The following SGSM1 variants were observed in gnomAD, a reference collection of about 807,000 sequenced individuals.
The protein encoded by SGSM1 is small G protein signaling modulator 1.
SGSM1 carries 73 observed loss-of-function variants against 133.8 expected under a neutral mutation model. The observed-to-expected ratio is 0.55, with a 90% CI of 0.45 to 0.66. The LOEUF (loss-of-function observed/expected upper bound fraction) is 0.66. Ranked by LOEUF, SGSM1 falls within the 30% of genes least tolerant of loss-of-function variation. SGSM1 has a pLI of 0.00. For missense variants in SGSM1, 1,213 were observed against 1,448.1 expected (o/e 0.84, Z 2.64); for synonymous variants, 563 against 573.0 (o/e 0.98, Z 0.25).
At chr22:24,856,010 C>G in intron 8 of SGSM1, 1 of 481,184 alleles carries the variant, frequency 2.1e-6, no homozygotes, top group Non-Finnish European at 4.0e-6. Flanking sequence ...CCCATCTTTA[C>G]ATCTATCCAT....
At chr22:24,861,402 G>T (rs1046054291) in intron 9 of SGSM1, among the ~76,000 whole-genome samples, 5 of 151,728 alleles carry the variant, frequency 3.3e-5, no homozygotes, top group African/African-American at 4.8e-5. Flanking sequence ...TCCTGTGCAG[G>T]AGTCACCATC....
In SGSM1 at chr22:24,893,472, T is replaced by C; in HGVS notation, c.1812T>C (p.Ala604=). ...ATGCCTGCTATGCACAGACCATGGCTGAGTGGCTGGGCTGCGAGGCGATCG... is the reference window on the plus strand; with the variant it reads ...ATGCCTGCTATGCACAGACCATGGCCGAGTGGCTGGGCTGCGAGGCGATCG... The part of the protein sequence containing the change: ...QIHACYAQTM[A]EWLGCEAIVR... Residue 604 remains alanine (A), a synonymous_variant, in exon 17 of 25, where the codon GCT becomes GCC. Transcript: ENST00000400358. 1.2e-6 allele frequency: 2 copies of C among 1,613,882 alleles called. No homozygotes were observed. The highest frequency in any genetic ancestry group is 1.7e-6 in the Non-Finnish European group (2 of 1,179,846).
At chr22:24,838,345 C>G (rs1213059590) in intron 2 of SGSM1, among the ~76,000 whole-genome samples, 1 of 152,182 alleles carries the variant, frequency 6.6e-6, no homozygotes, top group African/African-American at 2.4e-5. Flanking sequence ...ATCCATCTCC[C>G]TGACTGACTA....
At chr22:24,896,402 A>G (rs560128467) in intron 18 of SGSM1, among the ~76,000 whole-genome samples, 52 of 152,316 alleles carry the variant, frequency 3.4e-4, no homozygotes, top group African/African-American at 1.2e-3. Flanking sequence ...AGTTGGTGAC[A>G]TAACCACACA....
chr22:24,828,696 C>T (rs546208951), intron 2 of SGSM1, among the ~76,000 whole-genome samples: 2 of 152,310 alleles, frequency 1.3e-5, no homozygotes, highest in South Asian at 4.1e-4. Flanking sequence ...GACAGAAATA[C>T]CATTCGATCC....
At chr22:24,892,205 G>A (rs1486051904) in intron 16 of SGSM1, among the ~76,000 whole-genome samples, 3 of 152,152 alleles carry the variant, frequency 2.0e-5, no homozygotes, top group Non-Finnish European at 2.9e-5. Flanking sequence ...AGGGAGGTGG[G>A]CAGGAGGGAG....
intron 2 of SGSM1, among the ~76,000 whole-genome samples, chr22:24,820,772 ACT>A (rs1928422087): frequency 1.3e-5 from 2 of 152,086 alleles, no homozygotes; most frequent in African/African-American, 4.8e-5. Flanking sequence ...TGTGTACCAG[ACT>A]CTGTGCTGGG....
At position 24,868,714 on chromosome 22, in the gene SGSM1, T is replaced by A; in HGVS notation, c.1159-9T>A. On this transcript the variant is annotated splice_polypyrimidine_tract_variant and intron_variant, in intron 11 of 24. Transcript: ENST00000400358. ...CCCAAGGACCTTGTTTTGGGACATG[T>A]TTTTGCAGGGCAAAGTGTTTCCTAA... The A allele has an allele frequency of 1.2e-6, 2 of 1,613,644 alleles. No individual in the cohort carries two copies. The highest frequency in any genetic ancestry group is 1.7e-6 in the Non-Finnish European group (2 of 1,179,644).
At chr22:24,905,716 G>A (rs1210099225) in intron 21 of SGSM1, among the ~76,000 whole-genome samples, 1 of 148,594 alleles carries the variant, frequency 6.7e-6, no homozygotes, top group African/African-American at 2.5e-5. Flanking sequence ...GTGAACCCGG[G>A]AGGTGGAGCT....
At chr22:24,842,137 C>T (rs763686918) in intron 2 of SGSM1, among the ~76,000 whole-genome samples, 9 of 152,180 alleles carry the variant, frequency 5.9e-5, no homozygotes, top group Non-Finnish European at 1.3e-4. Flanking sequence ...CCAGCAGTTT[C>T]TCAGCATCAC....
At chr22:24,904,945 A>G (rs1933317452) in intron 20 of SGSM1, among the ~76,000 whole-genome samples, 160 bp from the exon 21 acceptor site, 1 of 152,088 alleles carries the variant, frequency 6.6e-6, no homozygotes, top group Non-Finnish European at 1.5e-5. Flanking sequence ...GGCTGCACAT[A>G]GGATGTTTGA....
chr22:24,849,290 A>G (rs950814456), intron 4 of SGSM1, among the ~76,000 whole-genome samples: 1 of 151,888 alleles, frequency 6.6e-6, no homozygotes, highest in African/African-American at 2.4e-5. Context: ...GCGGTGGCTC[A>G]TGCCTGTAGT....
Position 24,855,698 on chromosome 22 carries a change from G to A in SGSM1, c.801+18G>A, listed in dbSNP as rs755034623. On this transcript the variant is annotated intron_variant, in intron 8 of 24. Transcript: ENST00000400358. Reference sequence around the variant, plus strand: ...TTCAGCCGGTGAGAGGTTATCTTGGGCCTAGATCTTGCACTGAGGGTCTCA... The same window carrying A: ...TTCAGCCGGTGAGAGGTTATCTTGGACCTAGATCTTGCACTGAGGGTCTCA... The A allele has an allele frequency of 6.2e-7, 1 of 1,613,890 alleles. No individual in the cohort carries two copies. The highest frequency in any genetic ancestry group is 2.2e-5 in the East Asian group (1 of 44,872).
intron 21 of SGSM1, among the ~76,000 whole-genome samples, chr22:24,908,801 CAA>C (rs899607046): frequency 4.5e-5 from 5 of 111,174 alleles, no homozygotes; most frequent in African/African-American, 3.4e-5. Context: ...GACTCCATCT[CAA>C]AAAAAAAAAA....
At position 24,925,551 on chromosome 22, in the gene SGSM1, T is replaced by A. The variant is rs1170676980; in HGVS notation, c.*1277T>A. On this transcript the variant is annotated 3_prime_UTR_variant, in exon 25 of 25. Coordinates refer to ENST00000400358, the MANE Select transcript of SGSM1 (RefSeq NM_001098497.3). ...GTAGGCATGAGACGGTCAGAGCTCT[T>A]TGGGGTCCTGCTCAGAGTCCCCCAG... 2.0e-5 allele frequency: 3 copies of A among 152,170 alleles called. No individual in the cohort carries two copies. The highest frequency in any genetic ancestry group is 4.4e-5 in the Non-Finnish European group (3 of 68,036). 9.4% of individuals were successfully genotyped at this position (152,170 alleles called of 1,614,324 possible). A position where few individuals can be genotyped will look rare whatever the true frequency, so the allele number is the denominator to read the frequency against.
chr22:24,915,469 C>T (rs1167624940), intron 22 of SGSM1, among the ~76,000 whole-genome samples: 1 of 152,204 alleles, frequency 6.6e-6, no homozygotes, highest in Non-Finnish European at 1.5e-5. Context: ...ACCATCCTCA[C>T]TTGATATTGT....
At chr22:24,912,441 G>A (rs556293498) in intron 21 of SGSM1, among the ~76,000 whole-genome samples, 1 of 152,286 alleles carries the variant, frequency 6.6e-6, no homozygotes, top group Non-Finnish European at 1.5e-5. Context: ...TACTTTGGGA[G>A]GCCAAGGCAG....
In SGSM1 at chr22:24,926,194, T is replaced by C. The variant is rs1217550708; in HGVS notation, c.*1920T>C. On this transcript the variant is annotated 3_prime_UTR_variant, in exon 25 of 25. Coordinates refer to ENST00000400358, the MANE Select transcript of SGSM1 (RefSeq NM_001098497.3). Reference sequence around the variant, plus strand: ...TTGTAAAGGCTTCTTTCCCTTGGTATAGCAACTTCAACTGCACCTGAACCT... The same window carrying C: ...TTGTAAAGGCTTCTTTCCCTTGGTACAGCAACTTCAACTGCACCTGAACCT... 2 of 152,280 alleles carry C rather than the reference T, an allele frequency of 1.3e-5. No individual in the cohort carries two copies. The highest frequency in any genetic ancestry group is 4.8e-5 in the African/African-American group (2 of 41,436). The allele number at this position is 152,280 out of a possible 1,614,324, so 9.4% of individuals were successfully genotyped here. A position where few individuals can be genotyped will look rare whatever the true frequency, so the allele number is the denominator to read the frequency against.
At chr22:24,845,613 C>T (rs566858409) in intron 3 of SGSM1, among the ~76,000 whole-genome samples, 37 of 152,318 alleles carry the variant, frequency 2.4e-4, no homozygotes, top group African/African-American at 7.2e-4. Flanking sequence ...TGGAGTGTCT[C>T]ATAATGCAGG....
Sources: allele counts gnomAD v4.1 joint callset (sites outside exome capture counted in the v4.1 genomes callset), GRCh38; gene constraint gnomAD v4.1.1; transcripts MANE v1.5; gene names NCBI Gene and HGNC (gene_info 2026-07-23, HGNC 2026-07-21).